TGFB2: variants seen among roughly 807,000 people sequenced by gnomAD.
TGFB2 encodes transforming growth factor beta-2 proprotein.
TGFB2 carries 13 observed loss-of-function variants against 42.7 expected under a neutral mutation model. The ratio of observed to expected loss-of-function variants is 0.30; its 90% CI spans 0.20 to 0.48. The LOEUF (loss-of-function observed/expected upper bound fraction) is 0.48, where lower values mean the gene tolerates loss of function less well. TGFB2 is among the 20% of genes least tolerant of loss of function. TGFB2 has a pLI of 0.99. For synonymous variants in TGFB2, 193 were observed against 193.6 expected, an observed-to-expected ratio of 1.00 and a Z score of 0.03; for missense variants, 390 against 517.5, an observed-to-expected ratio of 0.75 and a Z score of 2.39.
chr1:218,419,823 GATA>G lies in TGFB2; in HGVS notation c.511-14254_511-14252del, dbSNP rs1322428040. Reference sequence around the variant, plus strand: ...TCTGATGAAGTATTTAATATTAATAGATAATAACCATGTAGGTAAAAAAATAAA... The same window carrying G: ...TCTGATGAAGTATTTAATATTAATAGATAACCATGTAGGTAAAAAAATAAA... On this transcript the variant is annotated intron_variant, in intron 2 of 6. Coordinates refer to ENST00000366930, the MANE Select transcript of TGFB2 (RefSeq NM_003238.6). 5.9e-5 allele frequency among the ~76,000 whole-genome samples: 9 copies of G among 152,234 alleles called. No individual in the cohort carries two copies. In the East Asian group the frequency reaches 1.7e-3, roughly 29 times the overall value.
chr1:218,389,264 C>A (rs1032326503), intron 1 of TGFB2, among the ~76,000 whole-genome samples: 13 of 152,126 alleles, frequency 8.5e-5, no homozygotes, highest in Admixed American at 7.2e-4. Flanking sequence ...GATTAATTTC[C>A]TTTTGCTTTG....
chr1:218,348,830 T>C (rs1054569445), intron 1 of TGFB2, among the ~76,000 whole-genome samples: 3 of 152,236 alleles, frequency 2.0e-5, no homozygotes, highest in Non-Finnish European at 4.4e-5. Context: ...CATCTTTCAA[T>C]GTTTATATGC....
At chr1:218,406,660 A>G (rs1382168352) in intron 2 of TGFB2, among the ~76,000 whole-genome samples, 2 of 152,136 alleles carry the variant, frequency 1.3e-5, no homozygotes, top group Admixed American at 6.6e-5. Context: ...CTTGAGACGT[A>G]TCTATTAAAA....
chr1:218,414,944 C>T (rs887345467), intron 2 of TGFB2, among the ~76,000 whole-genome samples: 6 of 152,090 alleles, frequency 3.9e-5, no homozygotes, highest in African/African-American at 1.4e-4. Flanking sequence ...GGCGGTCTGA[C>T]CCCAGGGATC....
At chr1:218,385,367 G>A (rs892401267) in intron 1 of TGFB2, among the ~76,000 whole-genome samples, 1 of 152,196 alleles carries the variant, frequency 6.6e-6, no homozygotes, top group Non-Finnish European at 1.5e-5. Flanking sequence ...AAAGGACGTG[G>A]ACATGCATTA....
intron 2 of TGFB2, among the ~76,000 whole-genome samples, chr1:218,418,358 G>A (rs1053637841): frequency 6.6e-6 from 1 of 152,174 alleles, no homozygotes; most frequent in African/African-American, 2.4e-5. Context: ...GGGGCCTACA[G>A]CCCCTTTGTT....
chr1:218,439,924 C>T (rs1159335583), intron 6 of TGFB2, among the ~76,000 whole-genome samples: 1 of 152,194 alleles, frequency 6.6e-6, no homozygotes, highest in African/African-American at 2.4e-5. Context: ...CTGTGCTGAA[C>T]AGATCTTCTG....
At chr1:218,405,469 A>G in intron 2 of TGFB2, 137 bp downstream of exon 2, 1 of 1,472,152 alleles carries the variant, frequency 6.8e-7, no homozygotes, top group Non-Finnish European at 9.3e-7. Context: ...GGTTCAAACG[A>G]TCCGCTTGCC....
At chr1:218,431,532 T>C (rs554960447) in intron 2 of TGFB2, among the ~76,000 whole-genome samples, 1 of 152,216 alleles carries the variant, frequency 6.6e-6, no homozygotes, top group Non-Finnish European at 1.5e-5. Flanking sequence ...GTCATAGACA[T>C]TTGACATGTA....
chr1:218,379,185 T>C (rs1395458728), intron 1 of TGFB2, among the ~76,000 whole-genome samples: 4 of 148,854 alleles, frequency 2.7e-5, no homozygotes, highest in Admixed American at 2.1e-4. Context: ...CAGGCTGGAG[T>C]GCAGTGGTGC....
chr1:218,381,290 CTG>C (rs202023762), intron 1 of TGFB2, among the ~76,000 whole-genome samples: 4,575 of 146,392 alleles, frequency 0.031, 86 homozygotes, highest in African/African-American at 0.057. Flanking sequence ...GAGTCTCGCT[CTG>C]TTGCCCAGGC....
At position 218,443,008 on chromosome 1, in the gene TGFB2, A is replaced by G. The variant is rs1159872954; in HGVS notation, c.*1646A>G. ...TATTCAGGGGGAAATTGAAAGATAT[A>G]TATTTTAGTCGATTTTTCAAAAGGG... On this transcript the variant is annotated 3_prime_UTR_variant, in exon 7 of 7. Coordinates refer to ENST00000366930, the MANE Select transcript of TGFB2 (RefSeq NM_003238.6). 3 of 152,188 alleles carry G rather than the reference A, an allele frequency of 2.0e-5. No homozygotes were observed. The highest frequency in any genetic ancestry group is 2.9e-5 in the Non-Finnish European group (2 of 68,028). 9.4% of individuals were successfully genotyped at this position (152,188 alleles called of 1,614,324 possible).
At chr1:218,378,767 C>T (rs1216834290) in intron 1 of TGFB2, among the ~76,000 whole-genome samples, 2 of 54,304 alleles carry the variant, frequency 3.7e-5, no homozygotes, top group African/African-American at 8.7e-5. Flanking sequence ...ACACCACACC[C>T]GGCCTGTTTT....
At chr1:218,400,027 A>G (rs1658661068) in intron 1 of TGFB2, among the ~76,000 whole-genome samples, 1 of 152,132 alleles carries the variant, frequency 6.6e-6, no homozygotes, top group African/African-American at 2.4e-5. Context: ...GCCAGATAAT[A>G]TCCCTGTTGC....
chr1:218,402,072 G>A (rs1558246531), intron 1 of TGFB2, among the ~76,000 whole-genome samples: 1 of 152,330 alleles, frequency 6.6e-6, no homozygotes, highest in East Asian at 1.9e-4. Context: ...TGGTTCTTCA[G>A]TTGACAGTTT....
At chr1:218,409,728 T>C (rs187999790) in intron 2 of TGFB2, among the ~76,000 whole-genome samples, 192 of 152,364 alleles carry the variant, frequency 1.3e-3, no homozygotes, top group Non-Finnish European at 2.4e-3. Flanking sequence ...AGCTCAGCTC[T>C]TCAGAAGAAC....
At chr1:218,367,660 T>G (rs964806608) in intron 1 of TGFB2, among the ~76,000 whole-genome samples, 5 of 152,220 alleles carry the variant, frequency 3.3e-5, no homozygotes, top group African/African-American at 1.2e-4. Context: ...GACTTGATAG[T>G]GTTCATTTTA....
chr1:218,419,079 C>T (rs890997004), intron 2 of TGFB2, among the ~76,000 whole-genome samples: 4 of 152,180 alleles, frequency 2.6e-5, no homozygotes, highest in Admixed American at 2.6e-4. Flanking sequence ...CTCTTTAAAG[C>T]TCTACAGTGG....
intron 2 of TGFB2, among the ~76,000 whole-genome samples, chr1:218,424,905 A>G (rs1659571221): frequency 6.6e-6 from 1 of 152,196 alleles, no homozygotes; most frequent in Admixed American, 6.5e-5. Context: ...ATTCTGTTAG[A>G]CCATATCTGG....
Sources: allele counts gnomAD v4.1 joint callset (sites outside exome capture counted in the v4.1 genomes callset), GRCh38; gene constraint gnomAD v4.1.1; transcripts MANE v1.5; gene names NCBI Gene and HGNC (gene_info 2026-07-23, HGNC 2026-07-21).